Variants in ITGA11 observed in about 807,000 individuals in gnomAD.
ITGA11 encodes the protein integrin subunit alpha 11.
ITGA11 carries 97 observed loss-of-function variants against 141.9 expected under a neutral mutation model. The ratio of observed to expected loss-of-function variants is 0.68; its 90% confidence interval spans 0.58 to 0.81. ITGA11 has a LOEUF of 0.81. Ranked by LOEUF, ITGA11 falls within the 30% of genes least tolerant of loss-of-function variation. The pLI is 0.00. For synonymous variants in ITGA11, 658 were observed against 624.6 expected (o/e 1.05, Z -0.80); for missense variants, 1,387 against 1,559.2 (o/e 0.89, Z 1.86).
At chr15:68,312,270 A>G (rs1025957993) in intron 24 of ITGA11, among the ~76,000 whole-genome samples, 3 of 152,202 alleles carry the variant, frequency 2.0e-5, no homozygotes, top group East Asian at 3.9e-4. Context: ...AGAGTAAGGA[A>G]CTGCCAGGGA....
rs1314774122 is a variant in ITGA11, at chr15:68,328,268, G to A, written c.1902-6C>T. The A allele has an allele frequency of 1.3e-5, 21 of 1,612,454 alleles. No individual in the cohort carries two copies. The highest frequency in any genetic ancestry group is 2.2e-5 in the East Asian group (1 of 44,862). On this transcript the variant is annotated splice_region_variant and splice_polypyrimidine_tract_variant and intron_variant, in intron 15 of 29. Coordinates refer to ENST00000315757, the MANE Select transcript of ITGA11 (RefSeq NM_001004439.2). The surrounding 1 kb of genome is among the most constrained non-coding windows in gnomAD (Gnocchi z 4.8). ...TCTGAACCACTGGGCGGGACCTGGA[G>A]GAGAAGGGCCAGTGAGCTGGGGTGG...
At position 68,370,877 on chromosome 15, in the gene ITGA11, C is replaced by T. The variant is rs190981627; in HGVS notation, c.165-1593G>A. Among the ~76,000 whole-genome samples, 207 of 152,254 alleles carry T rather than the reference C, an allele frequency of 1.4e-3. 4 individuals are homozygous for T. The highest frequency in any genetic ancestry group is 0.012 in the Admixed American group (179 of 15,294). On this transcript the variant is annotated intron_variant, in intron 2 of 29. Transcript: ENST00000315757. ...GTTGGGAGGAGGTGGCCGGGAGGCT[C>T]GGGCTGCATGGCACTTAAGTGGCTT...
chr15:68,387,171 G>A (rs1486082707), intron 2 of ITGA11, among the ~76,000 whole-genome samples: 1 of 151,382 alleles, frequency 6.6e-6, no homozygotes, highest in Middle Eastern at 3.2e-3. Context: ...GAGGGAAGGG[G>A]CCTCTGGGTG....
In ITGA11 at chr15:68,402,983, G is replaced by A. The variant is rs1399469529; in HGVS notation, c.99C>T (p.Ile33=). The change falls in exon 2 of 30, where the codon ATC becomes ATT. Residue 33 remains isoleucine (I), a synonymous_variant. Coordinates refer to ENST00000315757, the MANE Select transcript of ITGA11 (RefSeq NM_001004439.2). ...CAAAGAAGGCGGTCCTGGAGCCAGGGATGACCCGGGGCTTCCTGGTGTCCA... is the reference window on the plus strand; with the variant it reads ...CAAAGAAGGCGGTCCTGGAGCCAGGAATGACCCGGGGCTTCCTGGTGTCCA... ...FNMDTRKPRV[I]PGSRTAFFGY... is the part of the protein sequence containing the mutation. 1 of 1,613,776 alleles carries A rather than the reference G, an allele frequency of 6.2e-7. No individual in the cohort carries two copies. The highest frequency in any genetic ancestry group is 1.7e-5 in the Admixed American group (1 of 60,010).
chr15:68,377,938 T>C (rs899611327), intron 2 of ITGA11, among the ~76,000 whole-genome samples: 2 of 152,234 alleles, frequency 1.3e-5, no homozygotes, highest in Non-Finnish European at 2.9e-5. Flanking sequence ...TGGAATCTCC[T>C]GCCCAAATAG....
intron 1 of ITGA11, among the ~76,000 whole-genome samples, chr15:68,431,405 T>C (rs1897267902): frequency 6.6e-6 from 1 of 152,338 alleles, no homozygotes; most frequent in Non-Finnish European, 1.5e-5. Context: ...GCTGCGCGAC[T>C]GTGTCCCGCC....
chr15:68,370,442 C>G (rs937922868), intron 2 of ITGA11, among the ~76,000 whole-genome samples: 4 of 152,180 alleles, frequency 2.6e-5, no homozygotes, highest in African/African-American at 7.2e-5. Context: ...CCAGGGCCCT[C>G]TACGCCTCAT....
chr15:68,367,754 C>A (rs938436926), intron 3 of ITGA11, among the ~76,000 whole-genome samples: 1 of 152,178 alleles, frequency 6.6e-6, no homozygotes, highest in Non-Finnish European at 1.5e-5. Context: ...TGGAATGGAT[C>A]CTAAGGGTTG....
chr15:68,307,033 G>A lies in ITGA11; in HGVS notation c.3381+315C>T, dbSNP rs1044203060. On this transcript the variant is annotated intron_variant, in intron 28 of 29. Coordinates refer to ENST00000315757, the MANE Select transcript of ITGA11 (RefSeq NM_001004439.2). The surrounding 1 kb of genome is among the most constrained non-coding windows in gnomAD (Gnocchi z 6.1). ...CTCACTCCTTTCCTGGACCCTGGAT[G>A]AAGCCAGTGTAATCTGTAACAATCT... Among the ~76,000 whole-genome samples the A allele has an allele frequency of 1.3e-5, 2 of 152,214 alleles. No homozygotes were observed. Among genetic ancestry groups the A allele is most frequent in the Non-Finnish European group, 2.9e-5 (2 of 68,044 alleles).
intron 14 of ITGA11, 89 bp from the exon 15 acceptor site, chr15:68,331,200 T>C (rs1894146981): frequency 3.2e-6 from 4 of 1,260,424 alleles, no homozygotes; most frequent in Non-Finnish European, 4.4e-6. Context: ...TCAGGAACAA[T>C]AGGGAGCCTG....
chr15:68,350,556 C>T (rs991200521), intron 9 of ITGA11, 61 bp downstream of exon 9: 58 of 1,508,728 alleles, frequency 3.8e-5, no homozygotes, highest in African/African-American at 8.3e-5. Flanking sequence ...TTGTGCTCTA[C>T]GGGGTTTACC....
rs1294683966 is a variant in ITGA11 at position 68,353,317 on chromosome 15, A to G, written c.750-1915T>C. On this transcript the variant is annotated intron_variant, in intron 7 of 29. Transcript: ENST00000315757. ...CCTTAAAAAACCCACTAATTTTAGT[A>G]TGTGCTGTGGACTGAAACCTGCAGA... is the stretch of plus-strand genomic sequence containing the variant. Among the ~76,000 whole-genome samples the G allele has an allele frequency of 2.6e-5, 4 of 152,206 alleles. No homozygotes were observed. The South Asian group carries it at 6.2e-4, about 24-fold the overall frequency.
intron 10 of ITGA11, among the ~76,000 whole-genome samples, chr15:68,344,389 G>T (rs527902276): frequency 6.6e-6 from 1 of 152,304 alleles, no homozygotes; most frequent in South Asian, 2.1e-4. Flanking sequence ...CGCAAAACCA[G>T]TTCAAATGCG....
intron 28 of ITGA11, among the ~76,000 whole-genome samples, chr15:68,306,744 G>A (rs948309763): frequency 1.3e-5 from 2 of 152,174 alleles, no homozygotes; most frequent in African/African-American, 4.8e-5. Context: ...TTGCTCTCCA[G>A]CATCTCCCTG....
intron 1 of ITGA11, among the ~76,000 whole-genome samples, chr15:68,408,509 G>A (rs1227367379): frequency 6.6e-6 from 1 of 152,128 alleles, no homozygotes; most frequent in Non-Finnish European, 1.5e-5. Flanking sequence ...AAGACAAGAA[G>A]AGAGATGGGT....
chr15:68,383,323 T>C (rs1895908294), intron 2 of ITGA11, among the ~76,000 whole-genome samples: 1 of 151,030 alleles, frequency 6.6e-6, no homozygotes. Flanking sequence ...TGATTCCTCA[T>C]GAAGGAGTCA....
intron 1 of ITGA11, among the ~76,000 whole-genome samples, chr15:68,421,386 G>A (rs1897013519): frequency 1.3e-5 from 2 of 152,206 alleles, no homozygotes; most frequent in Non-Finnish European, 1.5e-5. Context: ...AGAAATGCAG[G>A]AGAGCCAGAT....
chr15:68,336,375 A>G (rs7176011), intron 11 of ITGA11, among the ~76,000 whole-genome samples: 22,975 of 152,158 alleles, frequency 0.15, 3,469 homozygotes, highest in African/African-American at 0.39. Context: ...AGATATTTAC[A>G]TGGGGTCTCA....
intron 1 of ITGA11, among the ~76,000 whole-genome samples, chr15:68,431,426 G>A (rs1183198989): frequency 2.0e-5 from 3 of 152,222 alleles, no homozygotes; most frequent in African/African-American, 4.8e-5. Context: ...GCTGCTGGCC[G>A]GGCAGACGAG....
Sources: allele counts gnomAD v4.1 joint callset (sites outside exome capture counted in the v4.1 genomes callset), GRCh38; gene constraint gnomAD v4.1.1; non-coding constraint Gnocchi (gnomAD v3.1); transcripts MANE v1.5; gene names NCBI Gene and HGNC (gene_info 2026-07-23, HGNC 2026-07-21).